The following CDH4 variants were observed in gnomAD, a reference collection of about 807,000 sequenced individuals.
CDH4 encodes cadherin-4.
A neutral mutation model predicts 86.0 loss-of-function variants in CDH4; 33 were observed. The ratio of observed to expected loss-of-function variants is 0.38; its 90% CI spans 0.29 to 0.51. CDH4 has a LOEUF of 0.51. Ranked by LOEUF, CDH4 falls within the 20% of genes least tolerant of loss-of-function variation. The pLI is 0.86. For synonymous variants in CDH4, 555 were observed against 549.4 expected, an observed-to-expected ratio of 1.01 and a Z score of -0.14; for missense variants, 1,114 against 1,307.4, an observed-to-expected ratio of 0.85 and a Z score of 2.28.
chr20:61,735,550 C>A (rs893209735), intron 2 of CDH4, among the ~76,000 whole-genome samples: 15 of 152,136 alleles, frequency 9.9e-5, no homozygotes, highest in African/African-American at 3.6e-4. Context: ...GCACAGGAAA[C>A]CTGGGGGGCC....
intron 3 of CDH4, among the ~76,000 whole-genome samples, chr20:61,755,652 C>T (rs2088555863): frequency 6.6e-6 from 1 of 151,372 alleles, no homozygotes; most frequent in Non-Finnish European, 1.5e-5. Context: ...ACACACGGAG[C>T]ATGTCACACA....
rs575617462 is a variant in CDH4 at position 61,766,025 on chromosome 20, G to A, written c.397-6978G>A. On this transcript the variant is annotated intron_variant, in intron 3 of 15. Transcript: ENST00000614565. The stretch of plus-strand genomic sequence containing the variant: ...AAAGTATGGGTAGGGTAGAGGGACC[G>A]CGGATGCTGGGCCCAGCCCTGGGTT... Among the ~76,000 whole-genome samples the A allele has an allele frequency of 5.1e-4, 77 of 152,124 alleles. 1 individual carries two copies. The highest frequency in any genetic ancestry group is 9.0e-4 in the Non-Finnish European group (61 of 67,958).
In CDH4 at chr20:61,760,265, C is replaced by T. The variant is rs141062140; in HGVS notation, c.397-12738C>T. Among the ~76,000 whole-genome samples the T allele has an allele frequency of 5.3e-5, 8 of 152,326 alleles. No homozygotes were observed. In the East Asian group the frequency reaches 5.8e-4, roughly 11 times the overall value. On this transcript the variant is annotated intron_variant, in intron 3 of 15. Transcript: ENST00000614565. ...TTAGGAACAACATGAAACCCCTCCACGGGGTGATGGTAATTGTTACAAGTT... is the reference window on the plus strand; with the variant it reads ...TTAGGAACAACATGAAACCCCTCCATGGGGTGATGGTAATTGTTACAAGTT...
chr20:61,789,364 G>C (rs78041991), intron 4 of CDH4, among the ~76,000 whole-genome samples: 8,276 of 152,268 alleles, frequency 0.054, 717 homozygotes, highest in African/African-American at 0.19. Context: ...AAAAGCCATG[G>C]AGCCTTGGTG....
At chr20:61,726,275 G>A (rs2145919524) in intron 2 of CDH4, among the ~76,000 whole-genome samples, 1 of 152,226 alleles carries the variant, frequency 6.6e-6, no homozygotes, top group African/African-American at 2.4e-5. Context: ...GCACAGGCCA[G>A]GTGCCTCATG....
chr20:61,575,487 C>G (rs893491988), intron 2 of CDH4, among the ~76,000 whole-genome samples: 1 of 152,150 alleles, frequency 6.6e-6, no homozygotes, highest in Non-Finnish European at 1.5e-5. Flanking sequence ...GACCTGTACT[C>G]GTGGAGTTTA....
intron 2 of CDH4, among the ~76,000 whole-genome samples, chr20:61,271,394 C>T (rs1262548477): frequency 1.3e-5 from 2 of 152,224 alleles, no homozygotes; most frequent in African/African-American, 2.4e-5. Flanking sequence ...AGCCCATTGA[C>T]AATGGCGCTC....
chr20:61,368,991 A>C (rs1352640147), intron 2 of CDH4, among the ~76,000 whole-genome samples: 1 of 152,222 alleles, frequency 6.6e-6, no homozygotes, highest in Non-Finnish European at 1.5e-5. Context: ...GAATCTAATC[A>C]TGAGAAAACA....
At chr20:61,329,585 T>C (rs2084560200) in intron 2 of CDH4, among the ~76,000 whole-genome samples, 1 of 152,132 alleles carries the variant, frequency 6.6e-6, no homozygotes, top group Non-Finnish European at 1.5e-5. Context: ...TCCAGCATAG[T>C]TCCCCCTAAA....
At chr20:61,492,106 ATGT>A (rs139688377) in intron 2 of CDH4, among the ~76,000 whole-genome samples, 4,595 of 149,242 alleles carry the variant, frequency 0.031, 120 homozygotes, top group Non-Finnish European at 0.047. Flanking sequence ...GGTGGTGTTG[ATGT>A]TGGTGGTGTC....
At chr20:61,752,863 G>C (rs533197692) in intron 3 of CDH4, among the ~76,000 whole-genome samples, 1 of 152,304 alleles carries the variant, frequency 6.6e-6, no homozygotes. Context: ...GTCGGTTGAG[G>C]GTTCCTTTCA....
At chr20:61,461,907 C>G (rs1402744177) in intron 2 of CDH4, among the ~76,000 whole-genome samples, 1 of 152,128 alleles carries the variant, frequency 6.6e-6, no homozygotes, top group Non-Finnish European at 1.5e-5. Context: ...CACATGAAGC[C>G]CAGTGGCAAA....
At chr20:61,652,478 G>A (rs1043816718) in intron 2 of CDH4, among the ~76,000 whole-genome samples, 23 of 152,148 alleles carry the variant, frequency 1.5e-4, no homozygotes, top group Admixed American at 6.5e-4. Flanking sequence ...CCTTTATGAC[G>A]GTTGGCTGAG....
At chr20:61,840,819 C>G (rs1982129001) in intron 4 of CDH4, among the ~76,000 whole-genome samples, 1 of 152,228 alleles carries the variant, frequency 6.6e-6, no homozygotes, top group Non-Finnish European at 1.5e-5. Flanking sequence ...ATTTTGAGAG[C>G]TGATGCTCAG....
At chr20:61,609,212 G>T (rs2086666595) in intron 2 of CDH4, among the ~76,000 whole-genome samples, 1 of 152,198 alleles carries the variant, frequency 6.6e-6, no homozygotes, top group Admixed American at 6.5e-5. Context: ...CAAACACATG[G>T]ACGTGTTCCC....
At chr20:61,748,648 A>G (rs1321772545) in intron 3 of CDH4, among the ~76,000 whole-genome samples, 2 of 152,240 alleles carry the variant, frequency 1.3e-5, no homozygotes, top group East Asian at 3.8e-4. Flanking sequence ...GAGAACTCGA[A>G]TTTACAGCAA....
At chr20:61,929,495 C>T (rs2055081716) in intron 12 of CDH4, 114 bp from the exon 13 acceptor site, 1 of 729,206 alleles carries the variant, frequency 1.4e-6, no homozygotes, top group African/African-American at 1.7e-5. Context: ...GTGTGGTAAC[C>T]AGGCAGCCAT....
At chr20:61,539,346 A>G (rs1400436953) in intron 2 of CDH4, among the ~76,000 whole-genome samples, 2 of 152,108 alleles carry the variant, frequency 1.3e-5, no homozygotes, top group Non-Finnish European at 2.9e-5. Flanking sequence ...AACAACAGAG[A>G]TTTATTTTCT....
rs59861457 is a variant in CDH4 at position 61,922,619 on chromosome 20, G to A, written c.1375-832G>A. On this transcript the variant is annotated intron_variant, in intron 9 of 15. Coordinates refer to ENST00000614565, the MANE Select transcript of CDH4 (RefSeq NM_001794.5). ...TCAAGGTGCCGGCAGGAACGGTCTC[G>A]CTTAGGAGGTTGTAGAGGAGAACCC... Among the ~76,000 whole-genome samples, 1,372 of 152,328 alleles carry A rather than the reference G, an allele frequency of 9.0e-3. 20 individuals carry two copies. The highest frequency in any genetic ancestry group is 0.031 in the African/African-American group (1,284 of 41,556).
Sources: allele counts gnomAD v4.1 joint callset (sites outside exome capture counted in the v4.1 genomes callset), GRCh38; gene constraint gnomAD v4.1.1; transcripts MANE v1.5; gene names NCBI Gene and HGNC (gene_info 2026-07-23, HGNC 2026-07-21).